The following TBC1D5 variants were observed in gnomAD, a reference collection of about 807,000 sequenced individuals.
TBC1D5 encodes the protein TBC1 domain family member 5, also known as TBC1 domain family, member 5.
Under a neutral mutation model 100.3 loss-of-function variants are expected in TBC1D5, and 75 were observed. The ratio of observed to expected loss-of-function variants is 0.75; its 90% CI spans 0.62 to 0.91. The LOEUF is 0.91. TBC1D5 is among the 40% of genes least tolerant of loss of function. TBC1D5 has a pLI of 0.00. For missense variants in TBC1D5, 910 were observed against 942.4 expected (o/e 0.97, Z 0.45); for synonymous variants, 323 against 325.6 (o/e 0.99, Z 0.09).
At chr3:17,634,626 T>TAAAA (rs1000749608) in intron 1 of TBC1D5, among the ~76,000 whole-genome samples, 1 of 85,516 alleles carries the variant, frequency 1.2e-5, no homozygotes, top group African/African-American at 4.5e-5. Context: ...GCTAATAGGG[T>TAAAA]AAAAAAAAAA....
At chr3:17,185,054 G>C (rs1226267488) in intron 19 of TBC1D5, 55 bp downstream of exon 20, 1 of 1,491,270 alleles carries the variant, frequency 6.7e-7, no homozygotes, top group Non-Finnish European at 9.3e-7. Context: ...AGTATTGCTA[G>C]TGGCTATTAT....
rs1244766608 is a variant in TBC1D5 at position 17,454,886 on chromosome 3, T to C, written c.98-26367A>G. 5.9e-5 allele frequency among the ~76,000 whole-genome samples: 9 copies of C among 152,016 alleles called. No homozygotes were observed. In the East Asian group the frequency reaches 1.5e-3, roughly 26 times the overall value. On this transcript the variant is annotated intron_variant, in intron 3 of 21. Transcript: ENST00000253692. ...TGAATTAACTTAAAGAAGTAAAAGA[T>C]GTCTACAATTAAAACTATCAAAGAT...
chr3:17,407,975 T>C (rs1357593485), intron 4 of TBC1D5, among the ~76,000 whole-genome samples: 2 of 152,182 alleles, frequency 1.3e-5, no homozygotes, highest in Non-Finnish European at 2.9e-5. Flanking sequence ...TTGGGTCATT[T>C]TACTGCTTCC....
At chr3:17,271,735 GTGGGTT>G (rs1422291715) in intron 15 of TBC1D5, among the ~76,000 whole-genome samples, 1 of 152,100 alleles carries the variant, frequency 6.6e-6, no homozygotes, top group Non-Finnish European at 1.5e-5. Flanking sequence ...GATGTTGGCT[GTGGGTT>G]TGTCATAGAT....
chr3:17,466,790 T>C (rs892956341), intron 3 of TBC1D5, among the ~76,000 whole-genome samples: 4 of 152,138 alleles, frequency 2.6e-5, no homozygotes, highest in Admixed American at 6.5e-5. Flanking sequence ...AATTATGTCT[T>C]TAGATTGTTT....
intron 1 of TBC1D5, among the ~76,000 whole-genome samples, chr3:17,674,562 A>G (rs2068379994): frequency 6.6e-6 from 1 of 152,166 alleles, no homozygotes; most frequent in Non-Finnish European, 1.5e-5. Flanking sequence ...ATCAAATCCT[A>G]TCAACTCTGA....
At chr3:17,439,498 CAAT>C (rs1435030584) in intron 3 of TBC1D5, among the ~76,000 whole-genome samples, 14 of 151,874 alleles carry the variant, frequency 9.2e-5, no homozygotes, top group Non-Finnish European at 1.5e-4. Flanking sequence ...ACACAAATCA[CAAT>C]AAAACGTTAC....
chr3:17,388,042 C>T (rs112989992), intron 8 of TBC1D5, among the ~76,000 whole-genome samples: 12 of 151,962 alleles, frequency 7.9e-5, no homozygotes, highest in South Asian at 4.2e-4. Context: ...TAGGTGAGGG[C>T]GAAACTCTAA....
At chr3:17,496,801 A>G (rs776509547) in intron 3 of TBC1D5, among the ~76,000 whole-genome samples, 7 of 152,190 alleles carry the variant, frequency 4.6e-5, no homozygotes, top group Non-Finnish European at 7.4e-5. Context: ...TATCATTCCT[A>G]TCCTTGAGAA....
intron 2 of TBC1D5, among the ~76,000 whole-genome samples, chr3:17,517,913 C>T (rs1040768752): frequency 2.0e-5 from 3 of 151,982 alleles, no homozygotes; most frequent in Admixed American, 2.0e-4. Context: ...CATATAATAC[C>T]TATCTCATGA....
intron 13 of TBC1D5, among the ~76,000 whole-genome samples, chr3:17,355,199 T>A (rs1353634359): frequency 6.6e-6 from 1 of 152,138 alleles, no homozygotes; most frequent in South Asian, 2.1e-4. Flanking sequence ...AAAAAAGGTA[T>A]GGCAGTTTAT....
chr3:17,177,223 C>T (rs2067866247), intron 19 of TBC1D5, among the ~76,000 whole-genome samples: 1 of 152,190 alleles, frequency 6.6e-6, no homozygotes, highest in Non-Finnish European at 1.5e-5. Flanking sequence ...GTTGGACAGT[C>T]TGTACTGAGG....
intron 13 of TBC1D5, among the ~76,000 whole-genome samples, chr3:17,364,924 C>T (rs2092006979): frequency 6.6e-6 from 1 of 152,102 alleles, no homozygotes; most frequent in South Asian, 2.1e-4. Context: ...TTAATCGTCA[C>T]AATGCTATTG....
chr3:17,625,802 A>G (rs2063002767), intron 1 of TBC1D5, among the ~76,000 whole-genome samples: 2 of 152,092 alleles, frequency 1.3e-5, no homozygotes, highest in African/African-American at 4.8e-5. Context: ...TATGCATAAC[A>G]TATCTACTTT....
chr3:17,570,285 C>A (rs1295086228), intron 2 of TBC1D5, among the ~76,000 whole-genome samples: 1 of 151,930 alleles, frequency 6.6e-6, no homozygotes, highest in African/African-American at 2.4e-5. Flanking sequence ...TGTCAAATGC[C>A]TATCATTTCC....
chr3:17,549,511 G>GA (rs927906877), intron 2 of TBC1D5, among the ~76,000 whole-genome samples: 1 of 151,996 alleles, frequency 6.6e-6, no homozygotes, highest in African/African-American at 2.4e-5. Flanking sequence ...TAAAAATGGA[G>GA]ACATTAACAA....
intron 1 of TBC1D5, among the ~76,000 whole-genome samples, chr3:17,700,618 C>T (rs1393843790): frequency 6.6e-6 from 1 of 151,918 alleles, no homozygotes; most frequent in Non-Finnish European, 1.5e-5. Flanking sequence ...ACAAAGAACT[C>T]AAACAAATTT....
At chr3:17,566,642 C>A (rs1328987659) in intron 2 of TBC1D5, among the ~76,000 whole-genome samples, 1 of 151,768 alleles carries the variant, frequency 6.6e-6, no homozygotes, top group Non-Finnish European at 1.5e-5. Flanking sequence ...CAACTAAAAG[C>A]CTAAAATTTT....
intron 18 of TBC1D5, among the ~76,000 whole-genome samples, chr3:17,203,341 A>G (rs996493601): frequency 2.0e-5 from 3 of 152,196 alleles, no homozygotes; most frequent in Admixed American, 6.5e-5. Flanking sequence ...TCTTGGAAGT[A>G]ACTAGTTTTT....
Sources: gnomAD v4.1 joint callset for allele counts (sites outside exome capture counted in the v4.1 genomes callset) on GRCh38, gnomAD v4.1.1 for gene constraint, MANE v1.5 for transcripts, NCBI Gene and HGNC (gene_info 2026-07-23, HGNC 2026-07-21) for gene names.